The following LRBA variants were observed in gnomAD, a reference collection of about 807,000 sequenced individuals.
LRBA encodes the protein lipopolysaccharide-responsive and beige-like anchor protein.
A neutral mutation model predicts 330.0 loss-of-function variants in LRBA; 176 were observed. The observed-to-expected ratio is 0.53, with a 90% CI of 0.47 to 0.60. The LOEUF (loss-of-function observed/expected upper bound fraction) is 0.60. LRBA is among the 20% of genes least tolerant of loss of function. LRBA has a pLI of 0.00. For missense variants in LRBA, 3,259 were observed against 3,444.8 expected, an observed-to-expected ratio of 0.95 and a Z score of 1.35; for synonymous variants, 1,230 against 1,193.0, an observed-to-expected ratio of 1.03 and a Z score of -0.64.
chr4:150,738,743 T>C (rs1183430494), intron 35 of LRBA, among the ~76,000 whole-genome samples: 1 of 152,014 alleles, frequency 6.6e-6, no homozygotes, highest in Non-Finnish European at 1.5e-5. Context: ...ATGTTAATTA[T>C]AATATTCATA....
rs142689069 is a variant in LRBA at position 150,315,595 on chromosome 4, T to C, written c.7659A>G (p.Pro2553=). 1.2e-5 allele frequency: 20 copies of C among 1,611,874 alleles called. No individual in the cohort carries two copies. In the Admixed American group the frequency reaches 1.5e-4, roughly 12 times the overall value. Residue 2553 remains proline, a synonymous_variant, in exon 51 of 57, where the codon CCA becomes CCG. Transcript: ENST00000651943. ...PAHQGAVQDQ[P]YQLPVEIDPL... ...GATCGATTTCCACTGGCAGCTGGTATGGCTGGTCTTGTACAGCACCTTGAT... is the reference window on the plus strand; with the variant it reads ...GATCGATTTCCACTGGCAGCTGGTACGGCTGGTCTTGTACAGCACCTTGAT...
intron 36 of LRBA, among the ~76,000 whole-genome samples, chr4:150,688,464 T>A (rs1300764918): frequency 1.3e-5 from 2 of 152,120 alleles, no homozygotes; most frequent in East Asian, 3.9e-4. Context: ...GGGATCTAAT[T>A]AAACTAAAGA....
chr4:150,301,443 A>T (rs1296329130), intron 53 of LRBA, among the ~76,000 whole-genome samples: 1 of 151,984 alleles, frequency 6.6e-6, no homozygotes, highest in Non-Finnish European at 1.5e-5. Flanking sequence ...CCCTTTTTTG[A>T]TTAAAACAGG....
intron 47 of LRBA, among the ~76,000 whole-genome samples, chr4:150,382,525 A>C (rs1380066755): frequency 6.6e-6 from 1 of 151,784 alleles, no homozygotes; most frequent in Non-Finnish European, 1.5e-5. Context: ...CAGGAGGCCG[A>C]GGCAAGAGAA....
At chr4:150,630,886 T>C (rs568738093) in intron 37 of LRBA, among the ~76,000 whole-genome samples, 2 of 152,286 alleles carry the variant, frequency 1.3e-5, no homozygotes, top group South Asian at 4.1e-4. Flanking sequence ...TATGTGATTT[T>C]TGTTGCCTAA....
At chr4:150,496,476 G>A (rs1298595337) in intron 40 of LRBA, among the ~76,000 whole-genome samples, 1 of 151,636 alleles carries the variant, frequency 6.6e-6, no homozygotes, top group Non-Finnish European at 1.5e-5. Flanking sequence ...GAATAGAAAG[G>A]GAGGTTTTAT....
intron 26 of LRBA, among the ~76,000 whole-genome samples, chr4:150,845,221 A>C (rs974247787): frequency 2.0e-5 from 3 of 152,226 alleles, no homozygotes; most frequent in African/African-American, 7.2e-5. Flanking sequence ...TACCATCATT[A>C]AAGTAAATTA....
chr4:150,558,057 C>G (rs1237321515), intron 40 of LRBA, among the ~76,000 whole-genome samples: 1 of 152,092 alleles, frequency 6.6e-6, no homozygotes. Flanking sequence ...ACCACCATAA[C>G]CAGCTAATTT....
intron 36 of LRBA, among the ~76,000 whole-genome samples, chr4:150,719,248 T>G (rs1220912516): frequency 6.6e-6 from 1 of 151,914 alleles, no homozygotes; most frequent in Non-Finnish European, 1.5e-5. Context: ...ATACACCAAT[T>G]CCACGTTTAC....
chr4:150,637,833 C>A (rs1401114593), intron 37 of LRBA, among the ~76,000 whole-genome samples: 1 of 152,138 alleles, frequency 6.6e-6, no homozygotes, highest in East Asian at 1.9e-4. Flanking sequence ...ATTCTTGACC[C>A]ATTGCACTAT....
At chr4:150,835,978 A>G (rs914974378) in intron 28 of LRBA, among the ~76,000 whole-genome samples, 5 of 152,306 alleles carry the variant, frequency 3.3e-5, no homozygotes, top group Admixed American at 2.6e-4. Context: ...ACGTCCCATC[A>G]ATACCTAATT....
intron 40 of LRBA, among the ~76,000 whole-genome samples, chr4:150,506,174 C>G (rs909638975): frequency 1.3e-5 from 2 of 152,198 alleles, no homozygotes; most frequent in African/African-American, 4.8e-5. Flanking sequence ...ATCATTCCTT[C>G]TGAAACTATT....
intron 9 of LRBA, among the ~76,000 whole-genome samples, chr4:150,910,935 C>T (rs1236712444): frequency 6.6e-6 from 1 of 151,994 alleles, no homozygotes; most frequent in Non-Finnish European, 1.5e-5. Context: ...GTATTTTATC[C>T]TTGTTGATGC....
At chr4:150,911,690 G>T (rs1218527427) in intron 9 of LRBA, among the ~76,000 whole-genome samples, 11 of 152,046 alleles carry the variant, frequency 7.2e-5, no homozygotes, top group Non-Finnish European at 1.3e-4. Flanking sequence ...TTTGGTATCA[G>T]GGTAACACTG....
intron 46 of LRBA, among the ~76,000 whole-genome samples, chr4:150,432,453 CTTTTTTT>C (rs35393002): frequency 4.1e-5 from 4 of 98,426 alleles, no homozygotes; most frequent in Non-Finnish European, 7.3e-5. Context: ...TAAGTGTGTT[CTTTTTTT>C]TTTTTTTTTT....
rs569715487 is a variant in LRBA at position 151,002,970 on chromosome 4, C to T, written c.216+11457G>A. ...TGGAGGTTGCAGTGAACCGAGATCG[C>T]ACTACTGCACTCCAGCCTGGGCAAT... On this transcript the variant is annotated intron_variant, in intron 2 of 56. Coordinates refer to ENST00000651943, the MANE Select transcript of LRBA (RefSeq NM_001364905.1). 5.9e-5 allele frequency among the ~76,000 whole-genome samples: 9 copies of T among 151,480 alleles called. No homozygotes were observed. In the South Asian group the frequency reaches 1.0e-3, roughly 18 times the overall value.
chr4:150,809,874 CG>C (rs1448392536), intron 31 of LRBA, among the ~76,000 whole-genome samples: 4 of 124,596 alleles, frequency 3.2e-5, no homozygotes, highest in Admixed American at 1.6e-4. Flanking sequence ...CGATACGATA[CG>C]ATACGATACG....
At chr4:150,626,337 GT>G (rs1451267649) in intron 37 of LRBA, among the ~76,000 whole-genome samples, 3 of 152,082 alleles carry the variant, frequency 2.0e-5, no homozygotes, top group African/African-American at 7.2e-5. Flanking sequence ...AAATTTTACA[GT>G]TAAGGTTTTC....
intron 52 of LRBA, among the ~76,000 whole-genome samples, chr4:150,303,820 G>A (rs1480109050): frequency 2.6e-5 from 4 of 151,970 alleles, no homozygotes; most frequent in African/African-American, 9.7e-5. Flanking sequence ...TAATCCACCC[G>A]CCTGGGCCTC....
Sources: gnomAD v4.1 joint callset for allele counts (sites outside exome capture counted in the v4.1 genomes callset) on GRCh38, gnomAD v4.1.1 for gene constraint, MANE v1.5 for transcripts, NCBI Gene and HGNC (gene_info 2026-07-23, HGNC 2026-07-21) for gene names.